OR6B3: variants seen among roughly 807,000 people sequenced by gnomAD.
OR6B3 encodes the protein olfactory receptor family 6 subfamily B member 3.
For missense variants in OR6B3, 315 were observed against 427.4 expected, an observed-to-expected ratio of 0.74 and a Z score of 2.32; for synonymous variants, 148 against 187.8, an observed-to-expected ratio of 0.79 and a Z score of 1.73.
chr2:240,048,322 G>T (rs1698218541), upstream of OR6B3, among the ~76,000 whole-genome samples: 1 of 152,116 alleles, frequency 6.6e-6, no homozygotes, highest in Non-Finnish European at 1.5e-5. Flanking sequence ...CACCTGGAAT[G>T]CCCCCCAGCC....
At chr2:240,051,540 A>C (rs760724905), upstream of OR6B3, among the ~76,000 whole-genome samples, 4 of 152,232 alleles carry the variant, frequency 2.6e-5, no homozygotes, top group Non-Finnish European at 5.9e-5. Context: ...GTCCCAATTC[A>C]TTTTACAAAA....
chr2:240,045,312 G>A (rs1285102098), exon 2 of OR6B3: 2 of 1,614,134 alleles, frequency 1.2e-6, no homozygotes, highest in African/African-American at 2.7e-5. Flanking sequence ...GAAAAGCAAG[G>A]CTGTATAGAA....
upstream of OR6B3, among the ~76,000 whole-genome samples, chr2:240,047,437 A>G (rs1016958795): frequency 1.4e-4 from 22 of 152,260 alleles, no homozygotes; most frequent in African/African-American, 5.1e-4. Flanking sequence ...TTGAAACAGC[A>G]CTGATCGTAT....
chr2:240,045,848 A>C (rs201032784), exon 2 of OR6B3: 3 of 1,612,466 alleles, frequency 1.9e-6, no homozygotes, highest in Non-Finnish European at 2.5e-6. Flanking sequence ...GGGTGATGTC[A>C]GACACGTACC....
exon 2 of OR6B3, chr2:240,045,145 A>G: frequency 6.2e-7 from 1 of 1,614,130 alleles, no homozygotes; most frequent in South Asian, 1.1e-5. Flanking sequence ...TCTACGGCGC[A>G]GCTCGTCAAG....
chr2:240,047,616 G>A (rs754022429), upstream of OR6B3, among the ~76,000 whole-genome samples: 6 of 152,262 alleles, frequency 3.9e-5, no homozygotes, highest in East Asian at 3.9e-4. Context: ...TTTGTTTCAC[G>A]TGAGTATATT....
chr2:240,047,986 A>G (rs1026990050), upstream of OR6B3, among the ~76,000 whole-genome samples: 5 of 152,240 alleles, frequency 3.3e-5, no homozygotes, highest in Admixed American at 1.3e-4. Flanking sequence ...AAGATGAAAT[A>G]GAAATATATT....
chr2:240,048,489 G>A (rs183043705), upstream of OR6B3, among the ~76,000 whole-genome samples: 807 of 152,264 alleles, frequency 5.3e-3, 7 homozygotes, highest in Non-Finnish European at 8.7e-3. Flanking sequence ...AGGGCTGGTG[G>A]AAGCTCTCTA....
upstream of OR6B3, among the ~76,000 whole-genome samples, chr2:240,051,531 T>TC (rs1223083674): frequency 5.9e-5 from 9 of 152,320 alleles, no homozygotes; most frequent in African/African-American, 2.2e-4. Context: ...CATGGGAAAG[T>TC]CCCAATTCAT....
At chr2:240,045,269 C>A in exon 2 of OR6B3, 1 of 1,614,190 alleles carries the variant, frequency 6.2e-7, no homozygotes, top group Non-Finnish European at 8.5e-7. Flanking sequence ...TGTTGGAGCT[C>A]CGGGAATCAA....
At position 240,045,156 on chromosome 2, in the gene OR6B3, C is replaced by A. The variant is rs983565078; in HGVS notation, c.917G>T (p.Gly306Val). 1.9e-6 allele frequency: 3 copies of A among 1,614,070 alleles called. No individual in the cohort carries two copies. In the African/African-American group the frequency reaches 4.0e-5, roughly 22 times the overall value. Residue 306 changes from glycine to valine, a missense_variant, in exon 2 of 2, where the codon GGC becomes GTC. By Grantham distance (109) the Gly-to-Val change is moderately radical. Transcript: ENST00000641019. Reference sequence around the variant, plus strand: ...CCCCTCTACGGCGCAGCTCGTCAAGCCGAAGGCTTTTTTCAAGGCATTCTT... The same window carrying A: ...CCCCTCTACGGCGCAGCTCGTCAAGACGAAGGCTTTTTTCAAGGCATTCTT...
At chr2:240,046,642 G>A (rs543043505) in intron 1 of OR6B3, among the ~76,000 whole-genome samples, 6 of 152,228 alleles carry the variant, frequency 3.9e-5, no homozygotes, top group Admixed American at 2.0e-4. Context: ...AGCAGCAGCC[G>A]GAGCCTCCCA....
At chr2:240,045,897 A>T in exon 2 of OR6B3, 1 of 1,596,404 alleles carries the variant, frequency 6.3e-7, no homozygotes, top group South Asian at 1.1e-5. Flanking sequence ...AAAGTAGTAC[A>T]TGGGCCTGTG....
exon 2 of OR6B3, chr2:240,045,545 G>C: frequency 6.3e-7 from 1 of 1,580,440 alleles, no homozygotes; most frequent in Admixed American, 1.7e-5. Flanking sequence ...CACAGAAGAA[G>C]TGGTTCAAGA....
intron 1 of OR6B3, among the ~76,000 whole-genome samples, chr2:240,046,384 C>T (rs1415301779): frequency 6.6e-6 from 1 of 152,212 alleles, no homozygotes; most frequent in African/African-American, 2.4e-5. Flanking sequence ...TTTTCACCAC[C>T]TGGACTTCTC....
upstream of OR6B3, among the ~76,000 whole-genome samples, chr2:240,047,540 G>A (rs1322625181): frequency 6.6e-6 from 1 of 152,232 alleles, no homozygotes; most frequent in African/African-American, 2.4e-5. Flanking sequence ...GAGGGGCAGA[G>A]CAGGTCACTG....
At chr2:240,048,495 C>T (rs888562369), upstream of OR6B3, among the ~76,000 whole-genome samples, 1 of 152,060 alleles carries the variant, frequency 6.6e-6, no homozygotes, top group South Asian at 2.1e-4. Context: ...GGTGGAAGCT[C>T]TCTATTTGGG....
At chr2:240,044,969 T>C (rs2106526148), downstream of OR6B3, 1 of 956,572 alleles carries the variant, frequency 1.0e-6, no homozygotes, top group Non-Finnish European at 1.6e-6. Flanking sequence ...ACAATACCTA[T>C]GCTATTAACC....
rs374262610 is a variant in OR6B3 at position 240,045,187 on chromosome 2, C to A, written c.886G>T (p.Glu296Ter). The stretch of plus-strand genomic sequence containing the variant: ...GCTTTTTTCAAGGCATTCTTAAATT[C>A]CTTATTCCTCAGGCAGTATATCAAG... Residue 296 changes from glutamate to a stop codon, truncating the protein, a stop_gained, in exon 2 of 2, where the codon GAA becomes TAA. Coordinates refer to ENST00000641019, the Ensembl canonical transcript of OR6B3. LOFTEE classifies it low-confidence loss of function (END_TRUNC). 3.1e-6 allele frequency: 5 copies of A among 1,614,092 alleles called. No individual in the cohort carries two copies. The highest frequency in any genetic ancestry group is 3.4e-6 in the Non-Finnish European group (4 of 1,180,036).
Sources: gnomAD v4.1 joint callset for allele counts (sites outside exome capture counted in the v4.1 genomes callset) on GRCh38, gnomAD v4.1.1 for gene constraint, MANE v1.5 for transcripts, NCBI Gene and HGNC (gene_info 2026-07-23, HGNC 2026-07-21) for gene names.